The following PRRX1 variants were observed in gnomAD, a reference collection of about 807,000 sequenced individuals.
PRRX1 encodes the protein paired mesoderm homeobox protein 1.
Under a neutral mutation model 24.0 loss-of-function variants are expected in PRRX1, and 8 were observed. That is an observed-to-expected ratio of 0.33 (90% CI 0.20 to 0.60). The LOEUF is 0.60. Ranked by LOEUF, PRRX1 falls within the 20% of genes least tolerant of loss-of-function variation. The pLI is 0.82. For synonymous variants in PRRX1, 160 were observed against 131.7 expected (o/e 1.22, Z -1.47); for missense variants, 281 against 322.4 (o/e 0.87, Z 0.98).
chr1:170,689,819 TCTCTCTCTCTCTCTCTCTCC>T (rs750499670), intron 1 of PRRX1, among the ~76,000 whole-genome samples: 3,761 of 93,832 alleles, frequency 0.04, 69 homozygotes, highest in Admixed American at 0.064. Context: ...ATTCCGTCTC[TCTCTCTCTCTCTCTCTCTCC>T]CTCTCTCTCT....
rs1160602628 is a variant in PRRX1, at chr1:170,738,805, C to T, written c.*2619C>T. 1 of 228,582 alleles carries T rather than the reference C, an allele frequency of 4.4e-6. No homozygotes were observed. The highest frequency in any genetic ancestry group is 8.7e-6 in the Non-Finnish European group (1 of 115,288). 14.2% of individuals were successfully genotyped at this position (228,582 alleles called of 1,614,324 possible). A position where few individuals can be genotyped will look rare whatever the true frequency, so the allele number is the denominator to read the frequency against. ...CCAGTGGCAAACAGCAAAGCCTGAA[C>T]CCATAAACCCAAATGATAGGTGAAG... On this transcript the variant is annotated 3_prime_UTR_variant, in exon 4 of 4. Coordinates refer to ENST00000239461, the MANE Select transcript of PRRX1 (RefSeq NM_022716.4).
intron 1 of PRRX1, among the ~76,000 whole-genome samples, chr1:170,705,531 C>T (rs964445694): frequency 6.6e-6 from 1 of 152,278 alleles, no homozygotes; most frequent in South Asian, 2.1e-4. Context: ...GATTTACCCG[C>T]CCTGGCATCC....
In PRRX1 at chr1:170,664,590, C is replaced by T. The variant is rs1393726260; in HGVS notation, c.241+131C>T. 7.3e-6 allele frequency: 10 copies of T among 1,367,288 alleles called. No homozygotes were observed. The East Asian group carries it at 2.5e-4, about 34-fold the overall frequency. 84.7% of individuals were successfully genotyped at this position (1,367,288 alleles called of 1,614,324 possible). A position where few individuals can be genotyped will look rare whatever the true frequency, so the allele number is the denominator to read the frequency against. ...GACCAGGAGAGGTGATGGCAGACTT[C>T]AAAGGAAGGGCCAGTCACAGGGGAA... On this transcript the variant is annotated intron_variant, in intron 1 of 3. Transcript: ENST00000239461.
intron 1 of PRRX1, among the ~76,000 whole-genome samples, chr1:170,709,744 G>T (rs1654685565): frequency 6.6e-6 from 1 of 152,124 alleles, no homozygotes; most frequent in South Asian, 2.1e-4. Context: ...TTGTTCAAAT[G>T]AATGAATAAA....
intron 1 of PRRX1, among the ~76,000 whole-genome samples, chr1:170,709,878 T>C (rs532136773): frequency 2.6e-5 from 4 of 152,352 alleles, no homozygotes; most frequent in Admixed American, 2.6e-4. Context: ...ACTTGACTCA[T>C]GGTTAAGAGG....
intron 2 of PRRX1, among the ~76,000 whole-genome samples, chr1:170,725,411 T>C (rs1243853551): frequency 6.6e-6 from 1 of 152,222 alleles, no homozygotes; most frequent in African/African-American, 2.4e-5. Flanking sequence ...CTTCCAACTT[T>C]CAGTGCCTGC....
At chr1:170,662,839 A>G (rs1475876213), upstream of PRRX1, 1 of 152,148 alleles carries the variant, frequency 6.6e-6, no homozygotes, top group Non-Finnish European at 1.5e-5. Context: ...TTATCAAAAC[A>G]TGCAAATGAG....
chr1:170,698,867 T>A (rs976696683), intron 1 of PRRX1, among the ~76,000 whole-genome samples: 1 of 151,972 alleles, frequency 6.6e-6, no homozygotes, highest in African/African-American at 2.4e-5. Flanking sequence ...GCTAAGGAAG[T>A]GTCAAGGGGG....
At chr1:170,685,252 G>A (rs1653690442) in intron 1 of PRRX1, among the ~76,000 whole-genome samples, 1 of 152,194 alleles carries the variant, frequency 6.6e-6, no homozygotes, top group Non-Finnish European at 1.5e-5. Flanking sequence ...GACACCATTT[G>A]TGACTGGACC....
In PRRX1 at chr1:170,738,035, T is replaced by C; in HGVS notation, c.*1849T>C. 1 of 217,358 alleles carries C rather than the reference T, an allele frequency of 4.6e-6. No homozygotes were observed. Among genetic ancestry groups the C allele is most frequent in the East Asian group, 6.8e-5 (1 of 14,602 alleles). The allele number at this position is 217,358 out of a possible 1,614,324, so 13.5% of individuals were successfully genotyped here. A position where few individuals can be genotyped will look rare whatever the true frequency, so the allele number is the denominator to read the frequency against. On this transcript the variant is annotated 3_prime_UTR_variant, in exon 4 of 4. Transcript: ENST00000239461. The stretch of plus-strand genomic sequence containing the variant: ...TGGAAATGAGAAATAGGTTTATATT[T>C]TCAGATCTCTCAAAAATCACATCAT...
At chr1:170,705,917 GACACACACACACACACAT>G (rs1387978173) in intron 1 of PRRX1, among the ~76,000 whole-genome samples, 2 of 123,670 alleles carry the variant, frequency 1.6e-5, no homozygotes, top group South Asian at 2.7e-4. Context: ...TACCCACATA[GACACACACACACACACAT>G]ACACACACAC....
chr1:170,674,531 A>G (rs1361414782), intron 1 of PRRX1, among the ~76,000 whole-genome samples: 1 of 151,184 alleles, frequency 6.6e-6, no homozygotes, highest in African/African-American at 2.5e-5. Flanking sequence ...GGAAATAACA[A>G]TCAGTGGCTC....
At chr1:170,664,105 C>CTCTCTCTCTCTCTCTCTCTA, upstream of PRRX1, 1 of 1,097,802 alleles carries the variant, frequency 9.1e-7, no homozygotes, top group Non-Finnish European at 1.3e-6. Context: ...CTCTCTCTCT[C>CTCTCTCTCTCTCTCTCTCTA]TCCACTACCC....
chr1:170,733,404 G>T (rs535042135), intron 3 of PRRX1, among the ~76,000 whole-genome samples: 1 of 152,118 alleles, frequency 6.6e-6, no homozygotes. Context: ...ATAAGACTTT[G>T]CTTGTCCAGA....
intron 1 of PRRX1, among the ~76,000 whole-genome samples, chr1:170,710,167 C>T (rs1284463166): frequency 5.3e-5 from 8 of 152,042 alleles, no homozygotes; most frequent in African/African-American, 1.9e-4. Context: ...AGATAAAATC[C>T]AGCCTAACTT....
intron 1 of PRRX1, among the ~76,000 whole-genome samples, chr1:170,684,836 C>T (rs1571321083): frequency 6.6e-6 from 1 of 152,212 alleles, no homozygotes; most frequent in East Asian, 1.9e-4. Flanking sequence ...AGAAATGCTT[C>T]ACTATCTCAT....
At chr1:170,686,417 T>C (rs980501732) in intron 1 of PRRX1, among the ~76,000 whole-genome samples, 1 of 152,110 alleles carries the variant, frequency 6.6e-6, no homozygotes, top group African/African-American at 2.4e-5. Flanking sequence ...TAGAATTTCT[T>C]GTTCCAATAA....
intron 1 of PRRX1, among the ~76,000 whole-genome samples, chr1:170,718,325 C>A (rs76344152): frequency 6.6e-6 from 1 of 152,224 alleles, no homozygotes; most frequent in African/African-American, 2.4e-5. Flanking sequence ...ACTTAGAGGC[C>A]TCAGTTGTCA....
chr1:170,664,240 G>A lies in PRRX1; in HGVS notation c.22G>A (p.Val8Ile), dbSNP rs772523348. The change falls in exon 1 of 4, where the codon GTT becomes ATT. Residue 8 changes from valine (V) to isoleucine (I), a missense_variant. Transcript: ENST00000239461. MTSSYGH[V>I]LERQPALGGR... ...GACCATGACCTCCAGCTACGGGCACGTTCTGGAGCGGCAACCGGCGCTGGG... is the reference window on the plus strand; with the variant it reads ...GACCATGACCTCCAGCTACGGGCACATTCTGGAGCGGCAACCGGCGCTGGG... 3 of 1,611,964 alleles carry A rather than the reference G, an allele frequency of 1.9e-6. No individual in the cohort carries two copies. The highest frequency in any genetic ancestry group is 2.2e-5 in the East Asian group (1 of 44,784).
Sources: gnomAD v4.1 joint callset for allele counts (sites outside exome capture counted in the v4.1 genomes callset) on GRCh38, gnomAD v4.1.1 for gene constraint, MANE v1.5 for transcripts, NCBI Gene and HGNC (gene_info 2026-07-23, HGNC 2026-07-21) for gene names.